POC1A: variants seen among roughly 807,000 people sequenced by gnomAD.
The protein encoded by POC1A is POC1 centriolar protein homolog A.
Under a neutral mutation model 47.8 loss-of-function variants are expected in POC1A, and 34 were observed. The observed-to-expected ratio is 0.71, with a 90% CI of 0.54 to 0.95. The LOEUF is 0.95. POC1A is among the 40% of genes least tolerant of loss of function. The pLI is 0.00. For missense variants in POC1A, 466 were observed against 528.3 expected (o/e 0.88, Z 1.16); for synonymous variants, 177 against 207.6 (o/e 0.85, Z 1.27).
chr3:52,100,122 C>A (rs1702946693), intron 9 of POC1A, among the ~76,000 whole-genome samples: 1 of 152,212 alleles, frequency 6.6e-6, no homozygotes, highest in African/African-American at 2.4e-5. Context: ...GTTTCCTCTG[C>A]TGCCTGCTTT....
intron 6 of POC1A, among the ~76,000 whole-genome samples, chr3:52,141,494 A>G (rs1698192817): frequency 6.6e-6 from 1 of 152,246 alleles, no homozygotes; most frequent in Admixed American, 6.5e-5. Flanking sequence ...TTGGATTCAT[A>G]CCACAAAAGT....
chr3:52,119,802 CA>C (rs891201757), intron 9 of POC1A, among the ~76,000 whole-genome samples: 2 of 152,180 alleles, frequency 1.3e-5, no homozygotes, highest in African/African-American at 4.8e-5. Flanking sequence ...CCACAATGCA[CA>C]AAACAGCCCC....
chr3:52,150,066 G>T, intron 2 of POC1A, 79 bp from the exon 3 acceptor site: 1 of 1,267,888 alleles, frequency 7.9e-7, no homozygotes, highest in Non-Finnish European at 1.1e-6. Flanking sequence ...GAGGCAGGGG[G>T]AGCAACTGGC....
intron 7 of POC1A, among the ~76,000 whole-genome samples, chr3:52,136,574 C>G (rs1025598054): frequency 5.9e-5 from 9 of 152,216 alleles, no homozygotes; most frequent in African/African-American, 1.9e-4. Context: ...TGGTTCGTTT[C>G]TCTTCTTCTC....
Position 52,149,407 on chromosome 3 carries a change from C to A in POC1A, c.276-18G>T. 1 of 1,611,842 alleles carries A rather than the reference C, an allele frequency of 6.2e-7. No individual in the cohort carries two copies. Among genetic ancestry groups the A allele is most frequent in the Non-Finnish European group, 8.5e-7 (1 of 1,178,224 alleles). The stretch of plus-strand genomic sequence containing the variant: ...CACCTTTGCTACAAGGACAGGCATC[C>A]AAGAGTAAGGAAACCCATAACAGTG... On this transcript the variant is annotated intron_variant, in intron 3 of 10. Transcript: ENST00000296484.
At chr3:52,150,058 G>GGC in intron 2 of POC1A, 71 bp from the exon 3 acceptor site, 1 of 1,357,914 alleles carries the variant, frequency 7.4e-7, no homozygotes, top group East Asian at 2.3e-5. Flanking sequence ...ACATTGGAGA[G>GGC]GCAGGGGGAG....
At chr3:52,081,269 A>G (rs1702271391) in intron 10 of POC1A, among the ~76,000 whole-genome samples, 1 of 152,180 alleles carries the variant, frequency 6.6e-6, no homozygotes, top group African/African-American at 2.4e-5. Context: ...GGGTCCAGCG[A>G]CAGGTTGACA....
At chr3:52,114,664 T>C (rs1047342437) in intron 9 of POC1A, among the ~76,000 whole-genome samples, 16 of 152,126 alleles carry the variant, frequency 1.1e-4, no homozygotes, top group African/African-American at 3.6e-4. Context: ...CACCAGCAGG[T>C]CACCTCTGGG....
intron 6 of POC1A, among the ~76,000 whole-genome samples, chr3:52,142,046 C>T (rs182995562): frequency 3.3e-5 from 5 of 152,302 alleles, no homozygotes; most frequent in African/African-American, 9.6e-5. Flanking sequence ...AGCCTGTCAA[C>T]AGAATGCCAG....
At chr3:52,105,823 T>C (rs1187150522) in intron 9 of POC1A, among the ~76,000 whole-genome samples, 1 of 152,184 alleles carries the variant, frequency 6.6e-6, no homozygotes, top group Non-Finnish European at 1.5e-5. Context: ...CTGGCTTTCA[T>C]CTAGGGGGTA....
At chr3:52,076,261 C>A (rs1347226670) in intron 10 of POC1A, among the ~76,000 whole-genome samples, 8 of 152,168 alleles carry the variant, frequency 5.3e-5, no homozygotes, top group African/African-American at 1.2e-4. Flanking sequence ...GGTCCCATAG[C>A]CTTTGGTCAT....
chr3:52,148,929 G>A (rs1170300103), intron 4 of POC1A, among the ~76,000 whole-genome samples: 1 of 152,216 alleles, frequency 6.6e-6, no homozygotes, highest in African/African-American at 2.4e-5. Context: ...AATGGCCCCT[G>A]TTGACCCAGT....
At chr3:52,103,812 T>C (rs1478302820) in intron 9 of POC1A, among the ~76,000 whole-genome samples, 2 of 151,816 alleles carry the variant, frequency 1.3e-5, no homozygotes, top group Non-Finnish European at 1.5e-5. Flanking sequence ...CGTATTAGAA[T>C]AGCCTAAAGG....
intron 9 of POC1A, among the ~76,000 whole-genome samples, chr3:52,107,657 C>T (rs551853188): frequency 6.6e-6 from 1 of 152,268 alleles, no homozygotes; most frequent in East Asian, 1.9e-4. Flanking sequence ...ACCGAGGTAC[C>T]CTGGTAGGGA....
At chr3:52,137,015 G>A (rs575053629) in intron 7 of POC1A, among the ~76,000 whole-genome samples, 15 of 152,220 alleles carry the variant, frequency 9.9e-5, no homozygotes, top group Admixed American at 5.2e-4. Context: ...GATCCCAAAC[G>A]GTTACACATG....
chr3:52,092,403 G>A (rs549461751), intron 10 of POC1A, among the ~76,000 whole-genome samples: 1 of 152,338 alleles, frequency 6.6e-6, no homozygotes, highest in East Asian at 1.9e-4. Context: ...CTGGCCCACA[G>A]TGGTTGAGAT....
At chr3:52,121,362 GA>G (rs1442083073) in intron 9 of POC1A, among the ~76,000 whole-genome samples, 1 of 152,218 alleles carries the variant, frequency 6.6e-6, no homozygotes, top group African/African-American at 2.4e-5. Context: ...CCCAAAAGCT[GA>G]AAACTGGCCA....
At chr3:52,087,507 A>C (rs958844939) in intron 10 of POC1A, among the ~76,000 whole-genome samples, 4 of 152,112 alleles carry the variant, frequency 2.6e-5, no homozygotes, top group African/African-American at 9.7e-5. Flanking sequence ...TATCTCAGGG[A>C]TATAGGATTT....
intron 9 of POC1A, among the ~76,000 whole-genome samples, chr3:52,113,459 T>G (rs2107051608): frequency 6.6e-6 from 1 of 152,326 alleles, no homozygotes; most frequent in South Asian, 2.1e-4. Context: ...TCCCAGCATT[T>G]TGGTAGGCCA....
Sources: allele counts gnomAD v4.1 joint callset (sites outside exome capture counted in the v4.1 genomes callset), GRCh38; gene constraint gnomAD v4.1.1; transcripts MANE v1.5; gene names NCBI Gene and HGNC (gene_info 2026-07-23, HGNC 2026-07-21).